LMNB1: variants seen among roughly 807,000 people sequenced by gnomAD.
The protein encoded by LMNB1 is lamin B1, also known as lamin-B1.
Under a neutral mutation model 67.1 loss-of-function variants are expected in LMNB1, and 23 were observed. The ratio of observed to expected loss-of-function variants is 0.34; its 90% CI spans 0.25 to 0.49. The LOEUF is 0.49. Among genes scored for constraint, LMNB1 ranks in the 20% least tolerant of loss-of-function variants. LMNB1 has a pLI of 0.99. For missense variants in LMNB1, 634 were observed against 746.5 expected, an observed-to-expected ratio of 0.85 and a Z score of 1.76; for synonymous variants, 281 against 282.9, an observed-to-expected ratio of 0.99 and a Z score of 0.07.
intron 1 of LMNB1, among the ~76,000 whole-genome samples, chr5:126,782,485 G>C (rs1750656270): frequency 6.6e-6 from 1 of 152,178 alleles, no homozygotes; most frequent in African/African-American, 2.4e-5. Context: ...GCCACTAAAT[G>C]TGTTAATAAA....
At chr5:126,832,642 G>T (rs962421766) in intron 9 of LMNB1, 52 bp from the exon 10 acceptor site, 2 of 1,297,828 alleles carry the variant, frequency 1.5e-6, no homozygotes, top group East Asian at 4.9e-5. Flanking sequence ...CCTCTCCCCC[G>T]CATTTGGTGA....
chr5:126,834,706 C>T (rs1051139054), intron 10 of LMNB1, among the ~76,000 whole-genome samples: 2 of 152,166 alleles, frequency 1.3e-5, no homozygotes, highest in Admixed American at 6.5e-5. Flanking sequence ...GAAACCCCGT[C>T]TCTACTAAAA....
rs547017839 is a variant in LMNB1, at chr5:126,801,241, G to T, written c.360-3535G>T. ...GCTGGGATTATAGACGTGAGCCACC[G>T]CACTTGGCCAAGAAGTAATTTATAA... On this transcript the variant is annotated intron_variant, in intron 1 of 10. Coordinates refer to ENST00000261366, the MANE Select transcript of LMNB1 (RefSeq NM_005573.4). Among the ~76,000 whole-genome samples the T allele has an allele frequency of 4.0e-5, 6 of 151,560 alleles. No individual in the cohort carries two copies. In the East Asian group the frequency reaches 1.2e-3, roughly 29 times the overall value.
chr5:126,795,036 AT>A (rs1751052160), intron 1 of LMNB1, among the ~76,000 whole-genome samples: 1 of 150,008 alleles, frequency 6.7e-6, no homozygotes, highest in East Asian at 2.0e-4. Flanking sequence ...TTACTTATTG[AT>A]TTGTTTCACA....
chr5:126,789,882 C>A (rs991703685), intron 1 of LMNB1, among the ~76,000 whole-genome samples: 1 of 152,074 alleles, frequency 6.6e-6, no homozygotes, highest in African/African-American at 2.4e-5. Flanking sequence ...ACCGTGTTGG[C>A]CAGGTTGGTC....
chr5:126,816,243 T>C (rs1370325725), intron 5 of LMNB1, among the ~76,000 whole-genome samples: 2 of 152,196 alleles, frequency 1.3e-5, no homozygotes, highest in Non-Finnish European at 2.9e-5. Flanking sequence ...ATATCCATCT[T>C]AAGAGGAGTG....
chr5:126,780,300 G>C (rs1750596314), intron 1 of LMNB1, among the ~76,000 whole-genome samples: 1 of 152,226 alleles, frequency 6.6e-6, no homozygotes, highest in Admixed American at 6.5e-5. Context: ...TTGTTGCTGA[G>C]AGTGTAGTGG....
At chr5:126,792,072 T>A (rs1323952376) in intron 1 of LMNB1, among the ~76,000 whole-genome samples, 1 of 151,922 alleles carries the variant, frequency 6.6e-6, no homozygotes, top group African/African-American at 2.4e-5. Flanking sequence ...TGTGAGCCAC[T>A]GTACCCAGCC....
At chr5:126,787,414 A>G (rs185716704) in intron 1 of LMNB1, among the ~76,000 whole-genome samples, 235 of 150,182 alleles carry the variant, frequency 1.6e-3, no homozygotes, top group African/African-American at 5.6e-3. Context: ...ATATATGTGT[A>G]TGTGTGTGTA....
At position 126,784,315 on chromosome 5, in the gene LMNB1, C is replaced by T. The variant is rs190814230; in HGVS notation, c.359+6448C>T. On this transcript the variant is annotated intron_variant, in intron 1 of 10. Coordinates refer to ENST00000261366, the MANE Select transcript of LMNB1 (RefSeq NM_005573.4). The stretch of plus-strand genomic sequence containing the variant: ...AAGTGCGGGGATTACAGGCGTGAGC[C>T]ACCGCACCTGGCCGGCTGTCATTTG... Among the ~76,000 whole-genome samples, 561 of 151,674 alleles carry T rather than the reference C, an allele frequency of 3.7e-3. 2 individuals are homozygous for T. The highest frequency in any genetic ancestry group is 7.9e-3 in the South Asian group (38 of 4,792).
intron 5 of LMNB1, among the ~76,000 whole-genome samples, chr5:126,812,718 C>CTTTTTTTTTTTT (rs11430160): frequency 3.2e-4 from 38 of 117,138 alleles, no homozygotes; most frequent in African/African-American, 8.8e-4. Context: ...CTTTATTTTA[C>CTTTTTTTTTTTT]TTTTTTTTTT....
At chr5:126,805,025 G>T in intron 2 of LMNB1, 93 bp downstream of exon 2, 1 of 1,146,454 alleles carries the variant, frequency 8.7e-7, no homozygotes, top group Non-Finnish European at 1.2e-6. Context: ...ATTTTCAAAT[G>T]TATTTTATTT....
Position 126,811,882 on chromosome 5 carries a change from C to G in LMNB1, c.923C>G (p.Ser308Cys). ...ATTGAGAGCCTTTCATCCCAGCTTT[C>G]TAATCTACAGAAAGAGGTAAATAAT... ...MRIESLSSQLSNLQKESRACL... is the reference protein window; with the variant it reads ...MRIESLSSQLCNLQKESRACL... Residue 308 changes from serine to cysteine, a missense_variant, in exon 5 of 11, where the codon TCT (serine) becomes TGT (cysteine). Transcript: ENST00000261366. 1 of 1,612,168 alleles carries G rather than the reference C, an allele frequency of 6.2e-7. No homozygotes were observed. The highest frequency in any genetic ancestry group is 8.5e-7 in the Non-Finnish European group (1 of 1,178,462).
chr5:126,795,932 G>GTTTTTTTTT (rs1561739969), intron 1 of LMNB1, among the ~76,000 whole-genome samples: 3 of 41,878 alleles, frequency 7.2e-5, no homozygotes, highest in African/African-American at 6.5e-5. Context: ...GGCCCAGGAT[G>GTTTTTTTTT]CTTTTTTTTT....
intron 3 of LMNB1, among the ~76,000 whole-genome samples, chr5:126,805,970 T>C (rs189046790): frequency 6.6e-6 from 1 of 152,336 alleles, no homozygotes; most frequent in Middle Eastern, 3.4e-3. Context: ...GTTTTTGTTT[T>C]TTTGAGACGG....
chr5:126,794,009 A>C lies in LMNB1; in HGVS notation c.360-10767A>C, dbSNP rs372063264. 5.9e-5 allele frequency among the ~76,000 whole-genome samples: 9 copies of C among 151,898 alleles called. No individual in the cohort carries two copies. The East Asian group carries it at 1.7e-3, about 29-fold the overall frequency. On this transcript the variant is annotated intron_variant, in intron 1 of 10. Coordinates refer to ENST00000261366, the MANE Select transcript of LMNB1 (RefSeq NM_005573.4). ...GAGTGCAATGGAGTGATCTTGACTC[A>C]CTGCTACCTCCATCTCCTGGGTTCA...
rs1306089780 is a variant in LMNB1, at chr5:126,804,865, C to T, written c.449C>T (p.Ala150Val). The T allele has an allele frequency of 6.2e-7, 1 of 1,613,934 alleles. No homozygotes were observed. The highest frequency in any genetic ancestry group is 1.3e-5 in the African/African-American group (1 of 74,896). ...AALNSKDAAL[A>V]TALGDKKSLE... Reference sequence around the variant, plus strand: ...CTGAATTCGAAAGATGCAGCTCTTGCTACTGCACTTGGTGACAAAAAAAGT... The same window carrying T: ...CTGAATTCGAAAGATGCAGCTCTTGTTACTGCACTTGGTGACAAAAAAAGT... Residue 150 changes from alanine to valine, a missense_variant, in exon 2 of 11, where the codon GCT becomes GTT. Transcript: ENST00000261366.
chr5:126,790,562 C>CT (rs1443471317), intron 1 of LMNB1, among the ~76,000 whole-genome samples: 8 of 152,000 alleles, frequency 5.3e-5, no homozygotes, highest in Non-Finnish European at 1.2e-4. Context: ...AAAAATAGTA[C>CT]TTTTTCCCAC....
chr5:126,795,078 A>G (rs926945169), intron 1 of LMNB1, among the ~76,000 whole-genome samples: 9 of 147,900 alleles, frequency 6.1e-5, no homozygotes, highest in Non-Finnish European at 1.2e-4. Flanking sequence ...TAAGTGGACA[A>G]TCTTATTTTT....
Sources: gnomAD v4.1 joint callset for allele counts (sites outside exome capture counted in the v4.1 genomes callset) on GRCh38, gnomAD v4.1.1 for gene constraint, MANE v1.5 for transcripts, NCBI Gene and HGNC (gene_info 2026-07-23, HGNC 2026-07-21) for gene names.